The following CEP295 variants were observed in gnomAD, a reference collection of about 807,000 sequenced individuals.
CEP295 encodes the protein centrosomal protein of 295 kDa.
In CEP295, 190 loss-of-function variants were observed where a neutral mutation model predicts 291.6. That is an observed-to-expected ratio of 0.65 (90% CI 0.58 to 0.73). The LOEUF (loss-of-function observed/expected upper bound fraction) is 0.73, where lower values mean the gene tolerates loss of function less well. CEP295 is among the 30% of genes least tolerant of loss of function. The pLI, the probability that CEP295 is intolerant of heterozygous loss-of-function variation, is 0.00. For missense variants in CEP295, 2,863 were observed against 2,949.4 expected, an observed-to-expected ratio of 0.97 and a Z score of 0.68; for synonymous variants, 993 against 1,038.8, an observed-to-expected ratio of 0.96 and a Z score of 0.85.
chr11:93,679,273 T>A (rs1160683907), intron 6 of CEP295, 139 bp from the exon 7 acceptor site: 2 of 720,312 alleles, frequency 2.8e-6, no homozygotes, highest in African/African-American at 3.6e-5. Flanking sequence ...ATGCCGTTGA[T>A]AATTGTGGAC....
At chr11:93,725,957 A>C in intron 23 of CEP295, 126 bp downstream of exon 23, 1 of 670,350 alleles carries the variant, frequency 1.5e-6, no homozygotes, top group Non-Finnish European at 2.5e-6. Context: ...CTGGGTGTTA[A>C]AAAATATTTA....
At chr11:93,689,211 C>T (rs1009697358) in intron 10 of CEP295, among the ~76,000 whole-genome samples, 4 of 152,166 alleles carry the variant, frequency 2.6e-5, no homozygotes, top group Admixed American at 2.0e-4. Flanking sequence ...AACAAGTAAT[C>T]TCATGTCATT....
chr11:93,710,211 A>ATGT (rs200704648), intron 18 of CEP295, among the ~76,000 whole-genome samples: 2,898 of 152,204 alleles, frequency 0.019, 93 homozygotes, highest in African/African-American at 0.067. Context: ...TGTGTTTCAG[A>ATGT]TCTTAGAGGA....
intron 6 of CEP295, 76 bp downstream of exon 6, chr11:93,675,742 T>G (rs1818127885): frequency 1.3e-6 from 1 of 762,680 alleles, no homozygotes; most frequent in African/African-American, 1.9e-5. Context: ...ATCTTAGTTA[T>G]ATGTATGGTG....
chr11:93,685,882 T>A (rs1260883105), intron 9 of CEP295, among the ~76,000 whole-genome samples: 1 of 152,110 alleles, frequency 6.6e-6, no homozygotes, highest in Non-Finnish European at 1.5e-5. Context: ...GGCTAATTTT[T>A]GTATTTTTAG....
At chr11:93,681,440 G>A (rs545506419) in intron 7 of CEP295, among the ~76,000 whole-genome samples, 3 of 40,344 alleles carry the variant, frequency 7.4e-5, no homozygotes, top group African/African-American at 2.6e-4. Context: ...TTTTGTGACA[G>A]AGTCTTGCTC....
At chr11:93,671,539 ATTC>A (rs1328678153) in intron 5 of CEP295, among the ~76,000 whole-genome samples, 1 of 152,134 alleles carries the variant, frequency 6.6e-6, no homozygotes, top group Non-Finnish European at 1.5e-5. Context: ...AAGACCCCTG[ATTC>A]TTTTTAGTGG....
At position 93,699,864 on chromosome 11, in the gene CEP295, CA is replaced by C; in HGVS notation, c.4953del (p.Glu1652SerfsTer35). On this transcript the variant is annotated frameshift_variant, in exon 15 of 30. Transcript: ENST00000325212. LOFTEE classifies it high-confidence loss of function. ...CCCTCTTTGTTTCTACCCAAGGAAA[CA>C]GAGCATTCGTTTATTCCACTACCTT... ...TIPSLFLPKE[T>X]EHSFIPLPFA... The C allele has an allele frequency of 2.6e-6, 4 of 1,552,152 alleles. No homozygotes were observed. The highest frequency in any genetic ancestry group is 3.5e-6 in the Non-Finnish European group (4 of 1,147,068).
chr11:93,683,489 C>T (rs1951074646), intron 7 of CEP295, 70 bp from the exon 8 acceptor site: 3 of 1,158,140 alleles, frequency 2.6e-6, no homozygotes, highest in South Asian at 1.7e-5. Context: ...TTTCCCCTAC[C>T]TGCAACATTG....
At chr11:93,693,874 A>G (rs1174371272) in intron 12 of CEP295, among the ~76,000 whole-genome samples, 4 of 152,410 alleles carry the variant, frequency 2.6e-5, no homozygotes, top group Admixed American at 1.3e-4. Flanking sequence ...TGTACCTGTT[A>G]GCCACATGGG....
At chr11:93,725,522 A>G in intron 22 of CEP295, 129 bp from the exon 23 acceptor site, 3 of 778,984 alleles carry the variant, frequency 3.9e-6, no homozygotes, top group Non-Finnish European at 5.8e-6. Context: ...TGGATTTGAA[A>G]AAGCAAATCA....
At chr11:93,704,021 G>A (rs897351289) in intron 17 of CEP295, among the ~76,000 whole-genome samples, 2 of 151,718 alleles carry the variant, frequency 1.3e-5, no homozygotes, top group Admixed American at 6.6e-5. Flanking sequence ...CGCCCGCCTC[G>A]GCCTCCCAAA....
intron 1 of CEP295, among the ~76,000 whole-genome samples, chr11:93,662,974 A>G (rs886107392): frequency 3.9e-5 from 6 of 152,236 alleles, no homozygotes; most frequent in Non-Finnish European, 8.8e-5. Flanking sequence ...GTTTAATCAC[A>G]TAAGATTAGA....
At chr11:93,719,742 TTG>T (rs1953557705) in intron 18 of CEP295, 1 of 152,212 alleles carries the variant, frequency 6.6e-6, no homozygotes, top group Non-Finnish European at 1.5e-5. Context: ...TAATTAATAA[TTG>T]TTACATAAAC....
At chr11:93,705,850 C>T (rs1244080184) in intron 17 of CEP295, among the ~76,000 whole-genome samples, 1 of 152,152 alleles carries the variant, frequency 6.6e-6, no homozygotes, top group East Asian at 1.9e-4. Context: ...AGGACGCTCA[C>T]CTTAGTATCT....
At chr11:93,700,651 A>G (rs1034572440) in intron 15 of CEP295, among the ~76,000 whole-genome samples, 2 of 151,798 alleles carry the variant, frequency 1.3e-5, no homozygotes, top group African/African-American at 4.8e-5. Flanking sequence ...TGGGATTACA[A>G]AGTGCGGGGA....
chr11:93,709,446 G>GAAA (rs1364309405), intron 18 of CEP295, among the ~76,000 whole-genome samples: 2 of 152,260 alleles, frequency 1.3e-5, no homozygotes, highest in Non-Finnish European at 2.9e-5. Context: ...TCAAAACTGA[G>GAAA]TACACAGTAA....
chr11:93,683,541 T>C lies in CEP295; in HGVS notation c.766-18T>C. The C allele has an allele frequency of 2.7e-6, 4 of 1,483,702 alleles. No individual in the cohort carries two copies. The highest frequency in any genetic ancestry group is 3.6e-6 in the Non-Finnish European group (4 of 1,121,048). The allele number at this position is 1,483,702 out of a possible 1,614,324, so 91.9% of individuals were successfully genotyped here. ...AAGTTTGTGACTCAGTTTTTGTTAATTCTCTTTATTCTTGAAGAATCAGGA... is the reference window on the plus strand; with the variant it reads ...AAGTTTGTGACTCAGTTTTTGTTAACTCTCTTTATTCTTGAAGAATCAGGA... On this transcript the variant is annotated intron_variant, in intron 7 of 29. Coordinates refer to ENST00000325212, the MANE Select transcript of CEP295 (RefSeq NM_033395.2).
chr11:93,669,823 A>G, intron 5 of CEP295, 53 bp downstream of exon 5: 2 of 1,181,482 alleles, frequency 1.7e-6, no homozygotes, highest in South Asian at 2.7e-5. Flanking sequence ...TACTATTATA[A>G]TTCAGTGGAG....
Sources: allele counts gnomAD v4.1 joint callset (sites outside exome capture counted in the v4.1 genomes callset), GRCh38; gene constraint gnomAD v4.1.1; transcripts MANE v1.5; gene names NCBI Gene and HGNC (gene_info 2026-07-23, HGNC 2026-07-21).